The following CEP192 variants were observed in gnomAD, a reference collection of about 807,000 sequenced individuals.
The protein encoded by CEP192 is centrosomal protein of 192 kDa.
CEP192 carries 151 observed loss-of-function variants against 271.8 expected under a neutral mutation model. That is an observed-to-expected ratio of 0.56 (90% confidence interval 0.49 to 0.64). The LOEUF (loss-of-function observed/expected upper bound fraction) is 0.64. CEP192 is among the 30% of genes least tolerant of loss of function. CEP192 has a pLI of 0.00. For synonymous variants in CEP192, 995 were observed against 1,076.5 expected, an observed-to-expected ratio of 0.92 and a Z score of 1.48; for missense variants, 2,910 against 3,020.5, an observed-to-expected ratio of 0.96 and a Z score of 0.86.
intron 11 of CEP192, among the ~76,000 whole-genome samples, chr18:13,035,548 C>A (rs1027343049): frequency 6.6e-6 from 1 of 152,160 alleles, no homozygotes; most frequent in Non-Finnish European, 1.5e-5. Context: ...CCCCCTGGGT[C>A]CCTCCCACAA....
chr18:13,082,611 G>A (rs1466483212), intron 30 of CEP192, among the ~76,000 whole-genome samples: 1 of 151,816 alleles, frequency 6.6e-6, no homozygotes, highest in Non-Finnish European at 1.5e-5. Flanking sequence ...GGGGCATTTA[G>A]TCCATTTACA....
intron 6 of CEP192, among the ~76,000 whole-genome samples, chr18:13,016,507 C>G (rs1014870582): frequency 2.0e-5 from 3 of 152,168 alleles, no homozygotes; most frequent in Non-Finnish European, 4.4e-5. Context: ...AAGGAGTTTT[C>G]AGACTTTTTT....
intron 44 of CEP192, chr18:13,124,397 G>T: frequency 2.6e-6 from 1 of 381,746 alleles, no homozygotes. Flanking sequence ...AATAGTTACT[G>T]GATAGCCAGG....
At chr18:13,078,689 G>A (rs1440270210) in intron 30 of CEP192, among the ~76,000 whole-genome samples, 1 of 152,014 alleles carries the variant, frequency 6.6e-6, no homozygotes, top group African/African-American at 2.4e-5. Context: ...CAACGTGCAG[G>A]TTTGTTACAT....
rs750269771 is a variant in CEP192 at position 13,057,738 on chromosome 18, C to T, written c.4257+5C>T. 2.5e-6 allele frequency: 4 copies of T among 1,610,984 alleles called. No homozygotes were observed. Among genetic ancestry groups the T allele is most frequent in the Non-Finnish European group, 2.5e-6 (3 of 1,178,246 alleles). ...ATTAGTGTTAATGGTGAAAAGGTAG[C>T]TTTCTATGTCTTTCTCATTTAACCT... is the stretch of plus-strand genomic sequence containing the variant. On this transcript the variant is annotated splice_donor_5th_base_variant and intron_variant, in intron 20 of 44. Coordinates refer to ENST00000506447, the MANE Select transcript of CEP192 (RefSeq NM_032142.4).
At chr18:13,020,054 G>A (rs1404207751) in intron 9 of CEP192, among the ~76,000 whole-genome samples, 1 of 152,000 alleles carries the variant, frequency 6.6e-6, no homozygotes, top group Admixed American at 6.6e-5. Context: ...CAAGTGATCT[G>A]CCCACCTTGA....
chr18:13,097,404 G>A lies in CEP192; in HGVS notation c.6557+1097G>A, dbSNP rs749486911. Among the ~76,000 whole-genome samples, 87 of 152,070 alleles carry A rather than the reference G, an allele frequency of 5.7e-4. 1 individual carries two copies. Among genetic ancestry groups the A allele is most frequent in the Non-Finnish European group, 1.1e-3 (74 of 68,018 alleles). ...TTGAGCCCAGAAAATATAAGCAGCC[G>A]GGTCATACGGAAACACGTTTTTTTC... On this transcript the variant is annotated intron_variant, in intron 36 of 44. Coordinates refer to ENST00000506447, the MANE Select transcript of CEP192 (RefSeq NM_032142.4).
intron 15 of CEP192, among the ~76,000 whole-genome samples, chr18:13,048,575 C>A (rs114785242): frequency 0.018 from 2,711 of 152,170 alleles, 89 homozygotes; most frequent in African/African-American, 0.062. Context: ...TGTGTAATTA[C>A]AAAGAAGGAC....
At position 13,030,476 on chromosome 18, in the gene CEP192, C is replaced by A; in HGVS notation, c.1402C>A (p.Pro468Thr). The A allele has an allele frequency of 6.2e-7, 1 of 1,602,582 alleles. No individual in the cohort carries two copies. Among genetic ancestry groups the A allele is most frequent in the African/African-American group, 1.3e-5 (1 of 74,710 alleles). ...ATTTTATTTTTTAGAAACAGATCTCCCACAGAGTGTGGTCTATCAAAATGA... is the reference window on the plus strand; with the variant it reads ...ATTTTATTTTTTAGAAACAGATCTCACACAGAGTGTGGTCTATCAAAATGA... ...IEKNKDKTDL[P>T]QSVVYQNEEG... is the part of the protein sequence containing the mutation. Residue 468 changes from proline (P) to threonine (T), a missense_variant, in exon 11 of 45, where the codon CCA (proline) becomes ACA (threonine). Pro to Thr is a conservative substitution (Grantham distance 38, BLOSUM62 -1). Transcript: ENST00000506447.
At chr18:13,027,600 C>G (rs1324407451) in intron 9 of CEP192, among the ~76,000 whole-genome samples, 1 of 152,142 alleles carries the variant, frequency 6.6e-6, no homozygotes, top group African/African-American at 2.4e-5. Flanking sequence ...GTTACCTTCT[C>G]TTAGGGATCT....
chr18:13,046,497 A>T (rs535364816), intron 15 of CEP192, among the ~76,000 whole-genome samples: 21 of 152,202 alleles, frequency 1.4e-4, no homozygotes, highest in Admixed American at 1.0e-3. Flanking sequence ...TGGCATTCTT[A>T]GAGATCGTTT....
At chr18:13,117,472 G>T in intron 43 of CEP192, 113 bp from the exon 44 acceptor site, 4 of 702,822 alleles carry the variant, frequency 5.7e-6, no homozygotes, top group South Asian at 3.7e-5. Context: ...TAATTTTGTG[G>T]CAATACCTAA....
chr18:12,993,357 G>A (rs56005633), intron 1 of CEP192, among the ~76,000 whole-genome samples: 37,903 of 152,102 alleles, frequency 0.25, 5,545 homozygotes, highest in East Asian at 0.44. Flanking sequence ...CGTTCCCTCA[G>A]GTTATCCATG....
chr18:13,090,517 T>C (rs1391219232), intron 33 of CEP192, among the ~76,000 whole-genome samples: 1 of 152,214 alleles, frequency 6.6e-6, no homozygotes, highest in Non-Finnish European at 1.5e-5. Context: ...GAATGTATTT[T>C]GCTTCTGAAA....
intron 9 of CEP192, among the ~76,000 whole-genome samples, chr18:13,028,763 G>C (rs1018720999): frequency 1.3e-5 from 2 of 152,036 alleles, no homozygotes; most frequent in Admixed American, 1.3e-4. Context: ...CAGGTGATCC[G>C]TCCGCCTCGG....
chr18:13,116,630 G>A, intron 43 of CEP192, 127 bp downstream of exon 43: 1 of 899,866 alleles, frequency 1.1e-6, no homozygotes, highest in Non-Finnish European at 1.6e-6. Flanking sequence ...TCTTTTTTTG[G>A]AGATGGAGTC....
At chr18:13,057,403 A>C (rs2037171504) in intron 19 of CEP192, among the ~76,000 whole-genome samples, 182 bp from the exon 20 acceptor site, 1 of 152,152 alleles carries the variant, frequency 6.6e-6, no homozygotes, top group African/African-American at 2.4e-5. Flanking sequence ...TGGAAGCAGG[A>C]AAAAATTGTT....
At chr18:13,016,114 A>G (rs1332097141) in intron 6 of CEP192, among the ~76,000 whole-genome samples, 1 of 152,200 alleles carries the variant, frequency 6.6e-6, no homozygotes. Context: ...ATGCAGAGCC[A>G]ATTGTCAGAT....
At position 13,049,506 on chromosome 18, in the gene CEP192, T is replaced by G. The variant is rs779962145; in HGVS notation, c.2715T>G (p.Asp905Glu). ...CTACCTCAATTTCCACTCCATCTGA[T>G]AGTTATTCATCAGTGAGGAACCCCA... ...EKATSISTPS[D>E]SYSSVRNPRI... Residue 905 changes from aspartate (D) to glutamate (E), a missense_variant, in exon 16 of 45, where the codon GAT (aspartate) becomes GAG (glutamate). Transcript: ENST00000506447. 23 of 1,614,014 alleles carry G rather than the reference T, an allele frequency of 1.4e-5. 1 individual carries two copies. The South Asian group carries it at 2.4e-4, about 17-fold the overall frequency.
Sources: gnomAD v4.1 joint callset for allele counts (sites outside exome capture counted in the v4.1 genomes callset) on GRCh38, gnomAD v4.1.1 for gene constraint, MANE v1.5 for transcripts, NCBI Gene and HGNC (gene_info 2026-07-23, HGNC 2026-07-21) for gene names.